Variants in JAK1 observed in about 807,000 individuals in gnomAD.
JAK1 encodes tyrosine-protein kinase JAK1.
A neutral mutation model predicts 136.6 loss-of-function variants in JAK1; 16 were observed. That is an observed-to-expected ratio of 0.12 (90% confidence interval 0.08 to 0.18). The LOEUF is 0.18. Among genes scored for constraint, JAK1 ranks in the 10% least tolerant of loss-of-function variants. The probability of loss-of-function intolerance (pLI) is 1.00; values close to 1 mark genes in which losing one functional copy is unlikely to be tolerated. For synonymous variants in JAK1, 492 were observed against 519.5 expected (o/e 0.95, Z 0.72); for missense variants, 859 against 1,450.1 (o/e 0.59, Z 6.62).
intron 8 of JAK1, among the ~76,000 whole-genome samples, 157 bp from the exon 9 acceptor site, chr1:64,860,419 C>CATTT (rs3051564): frequency 0.14 from 10,376 of 73,440 alleles, 472 homozygotes; most frequent in Middle Eastern, 0.23. Context: ...CCCTTGCATG[C>CATTT]ATTTATTTAT....
chr1:64,965,594 G>T (rs749129346), intron 1 of JAK1, among the ~76,000 whole-genome samples: 1 of 152,154 alleles, frequency 6.6e-6, no homozygotes, highest in Non-Finnish European at 1.5e-5. Flanking sequence ...TTGGAGTGAG[G>T]GAGCCAGAGA....
intron 2 of JAK1, chr1:64,985,813 G>C: frequency 1.6e-6 from 1 of 628,670 alleles, no homozygotes; most frequent in Non-Finnish European, 2.9e-6. Flanking sequence ...TTGACAGTAA[G>C]CATTGAATTA....
chr1:64,850,987 G>C (rs1373210769), intron 11 of JAK1, 77 bp from the exon 12 acceptor site: 1 of 986,174 alleles, frequency 1.0e-6, no homozygotes, highest in Non-Finnish European at 1.6e-6. Context: ...TGCTGAGCCG[G>C]GGCCGTGGGA....
intron 1 of JAK1, among the ~76,000 whole-genome samples, chr1:64,916,036 T>C (rs1645390471): frequency 6.6e-6 from 1 of 152,072 alleles, no homozygotes; most frequent in Admixed American, 6.5e-5. Context: ...GGCTGGGAGT[T>C]CCCCAATGAA....
At chr1:64,967,216 G>C (rs1646401075), upstream of JAK1, among the ~76,000 whole-genome samples, 1 of 152,148 alleles carries the variant, frequency 6.6e-6, no homozygotes, top group Non-Finnish European at 1.5e-5. Flanking sequence ...TCTTAATCAA[G>C]GTCACACTGT....
intron 2 of JAK1, among the ~76,000 whole-genome samples, chr1:64,999,654 A>C (rs1467062900): frequency 6.6e-6 from 1 of 151,724 alleles, no homozygotes; most frequent in African/African-American, 2.4e-5. Flanking sequence ...AGGATCACTT[A>C]AGCCAGGGAG....
chr1:65,038,410 G>T (rs1647097485), intron 2 of JAK1, among the ~76,000 whole-genome samples: 2 of 151,646 alleles, frequency 1.3e-5, no homozygotes, highest in African/African-American at 2.4e-5. Context: ...TGTTGGTCAG[G>T]CTGGTCTGGA....
intron 1 of JAK1, among the ~76,000 whole-genome samples, chr1:65,053,106 G>A (rs986453557): frequency 9.2e-5 from 14 of 151,532 alleles, no homozygotes; most frequent in Non-Finnish European, 1.8e-4. Context: ...AGCACTTTGG[G>A]AGGCTGAGGT....
At chr1:64,842,308 A>G (rs989706526) in intron 17 of JAK1, among the ~76,000 whole-genome samples, 6 of 152,208 alleles carry the variant, frequency 3.9e-5, no homozygotes, top group Non-Finnish European at 7.3e-5. Context: ...TCATTTTAAA[A>G]ATTTTCTTCA....
rs1056880785 is a variant in JAK1 at position 65,045,987 on chromosome 1, T to C, written c.-180-1405A>G. 3.9e-5 allele frequency among the ~76,000 whole-genome samples: 6 copies of C among 152,290 alleles called. No individual in the cohort carries two copies. The South Asian group carries it at 8.3e-4, about 21-fold the overall frequency. ...TCAAGAGCTAAATCATATCTAAGAA[T>C]ATGGTTGTTTAGAAAGTTAAATGGG... On this transcript the variant is annotated intron_variant, in intron 1 of 25. Coordinates refer to the JAK1 transcript ENST00000671954.
chr1:64,917,109 T>G (rs7528403), intron 1 of JAK1, among the ~76,000 whole-genome samples: 104,466 of 151,922 alleles, frequency 0.69, 37,493 homozygotes, highest in Middle Eastern at 0.87. Flanking sequence ...GGAAATTTCA[T>G]AACATTGGAA....
intron 8 of JAK1, among the ~76,000 whole-genome samples, chr1:64,861,143 C>T (rs906273957): frequency 4.6e-5 from 7 of 151,966 alleles, no homozygotes; most frequent in Middle Eastern, 6.3e-3. Flanking sequence ...TGGCACTCAA[C>T]GGTGAATGGC....
intron 1 of JAK1, among the ~76,000 whole-genome samples, chr1:65,059,210 T>C (rs1245506647): frequency 6.6e-6 from 1 of 151,942 alleles, no homozygotes; most frequent in African/African-American, 2.4e-5. Context: ...GGCGAACCCA[T>C]GTCCAGAACC....
At chr1:64,873,284 A>C in intron 5 of JAK1, 86 bp downstream of exon 5, 1 of 1,513,136 alleles carries the variant, frequency 6.6e-7, no homozygotes, top group Middle Eastern at 1.8e-4. Flanking sequence ...TAGCACCACC[A>C]AGTTCAGCTG....
rs1016355374 is a variant in JAK1 at position 64,873,430 on chromosome 1, T to C, written c.423A>G (p.Lys141=). Residue 141 remains lysine, a synonymous_variant, in exon 5 of 25, where the codon AAA becomes AAG. Transcript: ENST00000342505. ...PKKQKNGYEK[K]KIPDATPLLD... ...GGAGAGGGGTTGCATCTGGAATCTT[T>C]TTTTTCTCGTAGCCATTTTTCTGCT... is the stretch of plus-strand genomic sequence containing the variant. The C allele has an allele frequency of 1.4e-5, 23 of 1,614,214 alleles. No individual in the cohort carries two copies. Among genetic ancestry groups the C allele is most frequent in the Non-Finnish European group, 1.9e-5 (23 of 1,180,046 alleles).
At chr1:65,056,268 T>C (rs184737916) in intron 1 of JAK1, among the ~76,000 whole-genome samples, 1 of 152,364 alleles carries the variant, frequency 6.6e-6, no homozygotes, top group Admixed American at 6.5e-5. Flanking sequence ...ATTGTGGATC[T>C]ATGAGGACAT....
At chr1:64,870,140 C>T (rs975297670) in intron 5 of JAK1, among the ~76,000 whole-genome samples, 1 of 152,162 alleles carries the variant, frequency 6.6e-6, no homozygotes, top group Non-Finnish European at 1.5e-5. Flanking sequence ...AACGATAATT[C>T]CAGTGCCGGC....
intron 1 of JAK1, among the ~76,000 whole-genome samples, chr1:64,886,736 C>T (rs941459366): frequency 8.8e-5 from 13 of 147,282 alleles, no homozygotes; most frequent in South Asian, 2.2e-4. Flanking sequence ...AGAATTACCC[C>T]GCCCCAACCT....
chr1:64,999,757 C>T (rs1446859940), intron 2 of JAK1, among the ~76,000 whole-genome samples: 1 of 148,818 alleles, frequency 6.7e-6, no homozygotes, highest in East Asian at 2.0e-4. Context: ...AAAAAAAAGT[C>T]TACTGGTTCT....
Sources: gnomAD v4.1 joint callset for allele counts (sites outside exome capture counted in the v4.1 genomes callset) on GRCh38, gnomAD v4.1.1 for gene constraint, MANE v1.5 for transcripts, NCBI Gene and HGNC (gene_info 2026-07-23, HGNC 2026-07-21) for gene names.